The following DHX8 variants were observed in gnomAD, a reference collection of about 807,000 sequenced individuals.
DHX8 encodes the protein ATP-dependent RNA helicase DHX8.
Under a neutral mutation model 140.7 loss-of-function variants are expected in DHX8, and 67 were observed. That is an observed-to-expected ratio of 0.48 (90% CI 0.39 to 0.58). DHX8 has a LOEUF of 0.58. Ranked by LOEUF, DHX8 falls within the 20% of genes least tolerant of loss-of-function variation. The probability of loss-of-function intolerance (pLI) is 0.00; values close to 1 mark genes in which losing one functional copy is unlikely to be tolerated. For synonymous variants in DHX8, 533 were observed against 553.2 expected (o/e 0.96, Z 0.51); for missense variants, 887 against 1,550.7 (o/e 0.57, Z 7.19).
chr17:43,528,714 A>G, downstream of DHX8: 3 of 1,614,118 alleles, frequency 1.9e-6, no homozygotes, highest in South Asian at 1.1e-5. Context: ...GCTCACACAC[A>G]AACTTGTACA....
chr17:43,489,465 T>A lies in DHX8; in HGVS notation c.165T>A (p.Ser55Arg), dbSNP rs1280854351. ...NDKDLAEFVI[S>R]LAEKNTTFDT... ...TATTTGCAGCTGAATTTGTGATCAGTCTTGCTGAGAAAAATACCACCTTTG... is the reference window on the plus strand; with the variant it reads ...TATTTGCAGCTGAATTTGTGATCAGACTTGCTGAGAAAAATACCACCTTTG... The change falls in exon 2 of 23, where the codon AGT becomes AGA. Residue 55 changes from serine (S) to arginine (R), a missense_variant. Ser to Arg is a moderately radical substitution (Grantham distance 110, BLOSUM62 -1). Coordinates refer to ENST00000262415, the MANE Select transcript of DHX8 (RefSeq NM_004941.3). The A allele has an allele frequency of 3.1e-6, 5 of 1,612,146 alleles. No individual in the cohort carries two copies. The East Asian group carries it at 1.1e-4, about 36-fold the overall frequency.
chr17:43,495,134 A>G (rs1175155830), intron 8 of DHX8, among the ~76,000 whole-genome samples: 2 of 152,038 alleles, frequency 1.3e-5, no homozygotes, highest in African/African-American at 4.8e-5. Context: ...ATCCTTCTTC[A>G]CTAAATAACA....
At chr17:43,532,908 G>C (rs1567709550) in intron 2 of DHX8, 1 of 1,591,572 alleles carries the variant, frequency 6.3e-7, no homozygotes. Flanking sequence ...GTGAAGGAGT[G>C]GCAAATGTCC....
At chr17:43,532,628 C>T (rs201905867) in intron 2 of DHX8, 1 of 1,552,796 alleles carries the variant, frequency 6.4e-7, no homozygotes, top group East Asian at 2.3e-5. Context: ...CTGGGCTTAA[C>T]TGAACACTTG....
chr17:43,513,634 A>T, intron 17 of DHX8, 132 bp downstream of exon 17: 1 of 733,070 alleles, frequency 1.4e-6, no homozygotes, highest in Non-Finnish European at 2.0e-6. Context: ...TAATGACATG[A>T]GGGAAGGATT....
At chr17:43,533,225 G>A (rs760166610) in intron 2 of DHX8, 1 of 1,613,974 alleles carries the variant, frequency 6.2e-7, no homozygotes, top group Non-Finnish European at 8.5e-7. Context: ...GGTGGGGCTG[G>A]GAGGTGCCAG....
Position 43,490,376 on chromosome 17 carries a change from T to C in DHX8, c.235-15T>C, listed in dbSNP as rs1404365399. 6.2e-7 allele frequency: 1 copy of C among 1,610,868 alleles called. No individual in the cohort carries two copies. Among genetic ancestry groups the C allele is most frequent in the Non-Finnish European group, 8.5e-7 (1 of 1,178,318 alleles). On this transcript the variant is annotated splice_polypyrimidine_tract_variant and intron_variant, in intron 2 of 22. Coordinates refer to ENST00000262415, the MANE Select transcript of DHX8 (RefSeq NM_004941.3). Reference sequence around the variant, plus strand: ...ATGGGAGCTGACAATTTTCGTTCTATGTTTCTTTTCAAAGGATTCTCTTAT... The same window carrying C: ...ATGGGAGCTGACAATTTTCGTTCTACGTTTCTTTTCAAAGGATTCTCTTAT...
In DHX8 at chr17:43,523,686, A is replaced by G. The variant is rs1313346681; in HGVS notation, c.3502A>G (p.Ile1168Val). The G allele has an allele frequency of 1.9e-6, 3 of 1,614,226 alleles. No individual in the cohort carries two copies. Residue 1168 changes from isoleucine (I) to valine (V), a missense_variant, in exon 23 of 23, where the codon ATC becomes GTC. Around this residue, in one of 9 missense-constraint regions of DHX8, gnomAD observed 101 missense variants for 168.2 expected, o/e 0.60. Transcript: ENST00000262415. ...GGAATACATGCGTGAAGTTACCACC[A>G]TCGACCCTCGGTGGCTTGTGGAGTT... Reference protein sequence around the residue: ...TKEYMREVTTIDPRWLVEFAP... With the variant: ...TKEYMREVTTVDPRWLVEFAP...
In DHX8 at chr17:43,513,481, C is replaced by T. The variant is rs748707746; in HGVS notation, c.2622C>T (p.Leu874=). Residue 874 remains leucine, a synonymous_variant, in exon 17 of 23, where the codon CTC becomes CTT. Transcript: ENST00000262415. The part of the protein sequence containing the change: ...VYNSKTGIDQ[L]VVTPISQAQA... The stretch of plus-strand genomic sequence containing the variant: ...ATTCCAAGACAGGGATTGACCAGCT[C>T]GTGGTGACGCCTATTTCTCAGGTAT... The T allele has an allele frequency of 1.1e-5, 18 of 1,613,756 alleles. No homozygotes were observed. The highest frequency in any genetic ancestry group is 5.0e-5 in the Admixed American group (3 of 59,968).
In DHX8 at chr17:43,521,458, G is replaced by A. The variant is rs1458293331; in HGVS notation, c.3156G>A (p.Trp1052Ter). ...HLTLLAVYNS[W>*]KNNKFSNPWC... Reference sequence around the variant, plus strand: ...CCCTGCTAGCTGTGTACAACTCCTGGAAGAACAACAAGTTCTCCAACCCAT... The same window carrying A: ...CCCTGCTAGCTGTGTACAACTCCTGAAAGAACAACAAGTTCTCCAACCCAT... Residue 1052 changes from tryptophan to a stop codon, truncating the protein, a stop_gained, in exon 21 of 23, where the codon TGG becomes TGA. Transcript: ENST00000262415. LOFTEE classifies it high-confidence loss of function. 1 of 1,613,796 alleles carries A rather than the reference G, an allele frequency of 6.2e-7. No homozygotes were observed. Among genetic ancestry groups the A allele is most frequent in the African/African-American group, 1.3e-5 (1 of 74,844 alleles).
intron 9 of DHX8, 145 bp downstream of exon 9, chr17:43,496,413 A>G (rs1276140205): frequency 1.7e-5 from 10 of 604,890 alleles, no homozygotes; most frequent in Admixed American, 3.2e-5. Flanking sequence ...GGATCTCACC[A>G]TGATGGAAGC....
chr17:43,497,642 C>T (rs898733696), intron 9 of DHX8, among the ~76,000 whole-genome samples: 1 of 151,998 alleles, frequency 6.6e-6, no homozygotes, highest in Non-Finnish European at 1.5e-5. Context: ...GTACTCCCAG[C>T]CACTGGGGAG....
intron 17 of DHX8, among the ~76,000 whole-genome samples, chr17:43,515,274 G>A (rs756740924): frequency 5.5e-4 from 84 of 151,998 alleles, no homozygotes; most frequent in Non-Finnish European, 3.5e-4. Flanking sequence ...CTGCAACCTC[G>A]GCCTCCTGGG....
At chr17:43,514,208 G>T (rs1442728721) in intron 17 of DHX8, among the ~76,000 whole-genome samples, 1 of 151,792 alleles carries the variant, frequency 6.6e-6, no homozygotes, top group Non-Finnish European at 1.5e-5. Flanking sequence ...AGCCTGGTAT[G>T]GGGGCATGTG....
downstream of DHX8, chr17:43,529,735 G>T (rs376090324): frequency 6.3e-6 from 10 of 1,588,472 alleles, no homozygotes; most frequent in African/African-American, 9.4e-5. Flanking sequence ...CCAAGCAACC[G>T]CCTCCCACCC....
intron 2 of DHX8, chr17:43,532,990 T>C: frequency 2.0e-6 from 3 of 1,525,156 alleles, no homozygotes; most frequent in Non-Finnish European, 2.6e-6. Context: ...AAATTAATCC[T>C]TCCTCGAGCC....
intron 15 of DHX8, 148 bp from the exon 16 acceptor site, chr17:43,508,191 A>G: frequency 8.4e-7 from 1 of 1,186,774 alleles, no homozygotes; most frequent in South Asian, 1.6e-5. Context: ...ATAATGTCAT[A>G]TATAAACAAA....
At chr17:43,531,971 C>T (rs1326318014) in intron 2 of DHX8, among the ~76,000 whole-genome samples, 2 of 152,144 alleles carry the variant, frequency 1.3e-5, no homozygotes, top group African/African-American at 4.8e-5. Context: ...CCTTAACTTC[C>T]CTATTAAGTC....
chr17:43,529,977 T>C (rs1429701222), downstream of DHX8: 5 of 1,613,956 alleles, frequency 3.1e-6, no homozygotes, highest in East Asian at 6.7e-5. Context: ...TGGGGGTTGC[T>C]CAGATCTGGG....
Sources: allele counts gnomAD v4.1 joint callset (sites outside exome capture counted in the v4.1 genomes callset), GRCh38; gene constraint gnomAD v4.1.1; regional missense constraint gnomAD v4.1.1; transcripts MANE v1.5; gene names NCBI Gene and HGNC (gene_info 2026-07-23, HGNC 2026-07-21).